The following USP39 variants were observed in gnomAD, a reference collection of about 807,000 sequenced individuals.
USP39 encodes the protein ubiquitin specific peptidase 39.
A neutral mutation model predicts 66.4 loss-of-function variants in USP39; 38 were observed. The observed-to-expected ratio is 0.57, with a 90% CI of 0.44 to 0.75. The LOEUF is 0.75. Among genes scored for constraint, USP39 ranks in the 30% least tolerant of loss-of-function variants. The pLI, the probability that USP39 is intolerant of heterozygous loss-of-function variation, is 0.00. For synonymous variants in USP39, 303 were observed against 274.6 expected (o/e 1.10, Z -1.02); for missense variants, 608 against 714.4 (o/e 0.85, Z 1.70).
In USP39 at chr2:85,648,140, G is replaced by C. The variant is rs1050928101; in HGVS notation, c.1650+124G>C. 10 of 916,666 alleles carry C rather than the reference G, an allele frequency of 1.1e-5. No homozygotes were observed. In the Admixed American group the frequency reaches 1.9e-4, roughly 18 times the overall value. The allele number at this position is 916,666 out of a possible 1,614,324, so 56.8% of individuals were successfully genotyped here. ...GGTTGGAGGGCCAGGTACCTATTGG[G>C]AAGTACTTAGTAGTGAGTTGGGGGC... is the stretch of plus-strand genomic sequence containing the variant. On this transcript the variant is annotated intron_variant, in intron 12 of 12. Coordinates refer to ENST00000323701, the MANE Select transcript of USP39 (RefSeq NM_006590.4).
chr2:85,617,110 A>T lies in USP39; in HGVS notation c.268+647A>T, dbSNP rs1174647347. Among the ~76,000 whole-genome samples, 6 of 133,740 alleles carry T rather than the reference A, an allele frequency of 4.5e-5. No individual in the cohort carries two copies. The South Asian group carries it at 7.2e-4, about 16-fold the overall frequency. The allele number at this position is 133,740 out of a possible 152,430, so 87.7% of individuals were successfully genotyped here. ...TTACTTCCTTCCATTTTAAAAAAGA[A>T]TTTTTTTTTTTTTTTTTGCGTTTTA... is the stretch of plus-strand genomic sequence containing the variant. On this transcript the variant is annotated intron_variant, in intron 1 of 12. Transcript: ENST00000323701.
At chr2:85,612,217 G>GT (rs547788644), upstream of USP39, 3,578 of 1,220,632 alleles carry the variant, frequency 2.9e-3, 1 homozygote, top group African/African-American at 9.0e-3. Context: ...TTTTGTTTTT[G>GT]TTTTTTTTTG....
intron 1 of USP39, among the ~76,000 whole-genome samples, chr2:85,605,651 A>G (rs1230643258): frequency 6.6e-6 from 1 of 152,192 alleles, no homozygotes; most frequent in Non-Finnish European, 1.5e-5. Context: ...AATAATCTGT[A>G]CTTATTCCTC....
chr2:85,612,174 G>C, upstream of USP39: 1 of 925,342 alleles, frequency 1.1e-6, no homozygotes, highest in Non-Finnish European at 1.6e-6. Context: ...GTGGAGTAGG[G>C]TATGCTTGAC....
chr2:85,616,678 CTTTTT>C (rs4019533), intron 1 of USP39, among the ~76,000 whole-genome samples: 4 of 106,930 alleles, frequency 3.7e-5, no homozygotes, highest in Admixed American at 3.0e-4. Context: ...TTTCTTTTTT[CTTTTT>C]TTTTTTTTTT....
chr2:85,634,242 A>G (rs1299651997), intron 6 of USP39, among the ~76,000 whole-genome samples: 2 of 151,996 alleles, frequency 1.3e-5, no homozygotes, highest in Non-Finnish European at 2.9e-5. Flanking sequence ...AGTAGGAAAT[A>G]AGATACACTT....
chr2:85,633,426 T>C (rs1414687534), intron 6 of USP39, among the ~76,000 whole-genome samples: 2 of 152,056 alleles, frequency 1.3e-5, no homozygotes, highest in African/African-American at 4.8e-5. Flanking sequence ...CCCGGCCTCA[T>C]TGAAGGCTTT....
At chr2:85,618,773 TTTC>T (rs1253127040) in intron 1 of USP39, among the ~76,000 whole-genome samples, 2 of 152,046 alleles carry the variant, frequency 1.3e-5, no homozygotes, top group African/African-American at 4.8e-5. Flanking sequence ...GCTTTTTTCT[TTTC>T]TTTTTTTTTT....
upstream of USP39, among the ~76,000 whole-genome samples, chr2:85,615,656 G>C (rs1673868512): frequency 6.6e-6 from 1 of 152,116 alleles, no homozygotes; most frequent in South Asian, 2.1e-4. Context: ...TTTTGAGACG[G>C]AGTTTCGCTC....
chr2:85,616,269 C>G lies in USP39; in HGVS notation c.74C>G (p.Ser25Cys), dbSNP rs1044529615. ...CGAGAGTCTGAGTCGCGGGGCAGCT[C>G]CGGTCGCGTCAAGCGGGAGCGAGAT... is the stretch of plus-strand genomic sequence containing the variant. ...GKRESESRGS[S>C]GRVKRERDRE... Residue 25 changes from serine (S) to cysteine (C), a missense_variant, in exon 1 of 13, where the codon TCC becomes TGC. By Grantham distance (112) the Ser-to-Cys change is moderately radical. Coordinates refer to ENST00000323701, the MANE Select transcript of USP39 (RefSeq NM_006590.4). The G allele has an allele frequency of 1.8e-5, 27 of 1,542,536 alleles. No individual in the cohort carries two copies. Among genetic ancestry groups the G allele is most frequent in the Non-Finnish European group, 2.3e-5 (26 of 1,142,550 alleles).
rs6718514 is a variant in USP39 at position 85,625,122 on chromosome 2, C to G, written c.571-417C>G. On this transcript the variant is annotated intron_variant, in intron 4 of 12. Transcript: ENST00000323701. Reference sequence around the variant, plus strand: ...GAGTCTGATCCTGCTCTTCCAGTACCAGGGACTCATGGAGATCCTCATTCC... The same window carrying G: ...GAGTCTGATCCTGCTCTTCCAGTACGAGGGACTCATGGAGATCCTCATTCC... 6.2e-3 allele frequency among the ~76,000 whole-genome samples: 941 copies of G among 152,208 alleles called. 9 individuals are homozygous for G. The highest frequency in any genetic ancestry group is 0.022 in the African/African-American group (904 of 41,528).
chr2:85,647,501 TAAA>T (rs58710357), intron 11 of USP39, among the ~76,000 whole-genome samples: 1 of 148,110 alleles, frequency 6.8e-6, no homozygotes, highest in African/African-American at 2.5e-5. Flanking sequence ...CCATTGCTAT[TAAA>T]AAAAAAATTA....
At chr2:85,635,596 G>A (rs1675705878) in intron 6 of USP39, among the ~76,000 whole-genome samples, 1 of 152,040 alleles carries the variant, frequency 6.6e-6, no homozygotes, top group East Asian at 1.9e-4. Context: ...AAATGTCTGA[G>A]TGGCAGGTTC....
chr2:85,625,376 C>T (rs1198404224), intron 4 of USP39, among the ~76,000 whole-genome samples, 163 bp from the exon 5 acceptor site: 2 of 152,224 alleles, frequency 1.3e-5, no homozygotes, highest in African/African-American at 2.4e-5. Context: ...AGAGGATCTA[C>T]TCCGTGTTAC....
chr2:85,647,792 C>T (rs1676761614), intron 11 of USP39, 138 bp from the exon 12 acceptor site: 2 of 657,984 alleles, frequency 3.0e-6, no homozygotes, highest in Non-Finnish European at 5.1e-6. Flanking sequence ...AAGTCATGTA[C>T]CCTCTTCTTT....
chr2:85,636,153 G>T (rs1170026201), intron 7 of USP39, 23 bp downstream of exon 7: 2 of 1,609,372 alleles, frequency 1.2e-6, no homozygotes. Flanking sequence ...CTTATAAAAA[G>T]GAGTTATTTT....
chr2:85,637,259 G>A (rs1404638301), intron 7 of USP39, 110 bp from the exon 8 acceptor site: 2 of 1,153,662 alleles, frequency 1.7e-6, no homozygotes, highest in Admixed American at 1.9e-5. Flanking sequence ...AGAGCTCTGT[G>A]TCTTTTGCTG....
intron 9 of USP39, among the ~76,000 whole-genome samples, chr2:85,640,428 A>G (rs1327392338): frequency 1.3e-5 from 2 of 151,430 alleles, no homozygotes; most frequent in African/African-American, 2.4e-5. Flanking sequence ...AGCTGGGACT[A>G]CAGGTACATG....
At chr2:85,630,671 A>G (rs772127643) in intron 5 of USP39, 50 bp from the exon 6 acceptor site, 116 of 1,559,550 alleles carry the variant, frequency 7.4e-5, no homozygotes, top group Non-Finnish European at 9.7e-5. Context: ...AGCTTGGCTC[A>G]AGGGGTCCTA....
Sources: gnomAD v4.1 joint callset for allele counts (sites outside exome capture counted in the v4.1 genomes callset) on GRCh38, gnomAD v4.1.1 for gene constraint, MANE v1.5 for transcripts, NCBI Gene and HGNC (gene_info 2026-07-23, HGNC 2026-07-21) for gene names.